The following MEI4 variants were observed in gnomAD, a reference collection of about 807,000 sequenced individuals.
MEI4 encodes meiotic double-stranded break formation protein 4.
In MEI4, 27 loss-of-function variants were observed where a neutral mutation model predicts 31.4. The ratio of observed to expected loss-of-function variants is 0.86; its 90% confidence interval spans 0.63 to 1.19. The LOEUF is 1.19. Ranked by LOEUF, MEI4 falls within the 50% of genes most tolerant of loss-of-function variation. The pLI, the probability that MEI4 is intolerant of heterozygous loss-of-function variation, is 0.00. For synonymous variants in MEI4, 122 were observed against 145.4 expected (o/e 0.84, Z 1.16); for missense variants, 329 against 398.9 (o/e 0.82, Z 1.49).
At chr6:77,765,189 T>C (rs1768139901) in intron 3 of MEI4, among the ~76,000 whole-genome samples, 1 of 152,170 alleles carries the variant, frequency 6.6e-6, no homozygotes, top group Non-Finnish European at 1.5e-5. Context: ...AAGCATAATT[T>C]CTGACATCAT....
At chr6:77,756,346 C>T (rs1767917068) in intron 2 of MEI4, among the ~76,000 whole-genome samples, 1 of 152,032 alleles carries the variant, frequency 6.6e-6, no homozygotes. Flanking sequence ...ATACTATAGT[C>T]ACAGCTGCCC....
intron 4 of MEI4, among the ~76,000 whole-genome samples, chr6:77,849,099 A>G (rs1171323715): frequency 6.6e-6 from 1 of 152,064 alleles, no homozygotes; most frequent in Non-Finnish European, 1.5e-5. Flanking sequence ...AATAAACAAA[A>G]ATAAAAATCA....
At position 77,860,339 on chromosome 6, in the gene MEI4, G is replaced by T. The variant is rs374635353; in HGVS notation, c.900+31277G>T. Among the ~76,000 whole-genome samples, 35 of 152,252 alleles carry T rather than the reference G, an allele frequency of 2.3e-4. 2 individuals carry two copies. The East Asian group carries it at 3.7e-3, about 16-fold the overall frequency. ...TGCACCTAAATCTGTTACTTAACTT[G>T]TTTATGATTCCAGTGGAAAGTGGAG... On this transcript the variant is annotated intron_variant, in intron 4 of 4. Transcript: ENST00000684080.
At chr6:77,809,780 T>C (rs1513014) in intron 3 of MEI4, among the ~76,000 whole-genome samples, 42,624 of 152,058 alleles carry the variant, frequency 0.28, 6,745 homozygotes, top group South Asian at 0.39. Flanking sequence ...ATCTAAATAA[T>C]CATAATATTG....
At chr6:77,850,453 A>G (rs1770589369) in intron 4 of MEI4, among the ~76,000 whole-genome samples, 1 of 152,308 alleles carries the variant, frequency 6.6e-6, no homozygotes. Flanking sequence ...GACCAATGGA[A>G]CAGAACAGAG....
chr6:77,742,971 T>G (rs994498684), intron 2 of MEI4, among the ~76,000 whole-genome samples: 2 of 151,586 alleles, frequency 1.3e-5, no homozygotes, highest in Admixed American at 1.3e-4. Context: ...TTCTGTTCCA[T>G]TGATCTATAT....
At chr6:77,677,455 A>G (rs1324885541) in intron 1 of MEI4, among the ~76,000 whole-genome samples, 1 of 152,164 alleles carries the variant, frequency 6.6e-6, no homozygotes, top group Non-Finnish European at 1.5e-5. Flanking sequence ...CTTGGGGGTC[A>G]TTCTTGATAT....
intron 3 of MEI4, among the ~76,000 whole-genome samples, chr6:77,766,504 C>T (rs1768178315): frequency 6.6e-6 from 1 of 152,196 alleles, no homozygotes. Flanking sequence ...AGCTCTGCCT[C>T]CTGGGTTCAC....
At chr6:77,772,410 A>G (rs1430424646) in intron 3 of MEI4, among the ~76,000 whole-genome samples, 4 of 152,078 alleles carry the variant, frequency 2.6e-5, no homozygotes, top group African/African-American at 9.7e-5. Context: ...AGGATGGTTC[A>G]GCATACACAA....
At chr6:77,755,840 G>GTGTGTGTGTT (rs1767903005) in intron 2 of MEI4, among the ~76,000 whole-genome samples, 1 of 148,882 alleles carries the variant, frequency 6.7e-6, no homozygotes, top group African/African-American at 2.4e-5. Flanking sequence ...GTGTGTGTGT[G>GTGTGTGTGTT]TGTGTGTGTG....
intron 2 of MEI4, among the ~76,000 whole-genome samples, chr6:77,742,576 A>C (rs537797718): frequency 6.6e-6 from 1 of 152,072 alleles, no homozygotes; most frequent in Non-Finnish European, 1.5e-5. Flanking sequence ...TAGGTTGCCT[A>C]TTCACTCTGA....
intron 4 of MEI4, among the ~76,000 whole-genome samples, chr6:77,884,292 A>G (rs563190175): frequency 6.6e-6 from 1 of 152,266 alleles, no homozygotes; most frequent in East Asian, 1.9e-4. Context: ...ATTTTCCCTC[A>G]TTTAACAAAT....
chr6:77,855,905 G>A (rs538935954), intron 4 of MEI4, among the ~76,000 whole-genome samples: 3 of 152,030 alleles, frequency 2.0e-5, no homozygotes. Context: ...GCCATGATAT[G>A]CGAGTTTAAT....
chr6:77,878,724 T>G (rs1219137031), intron 4 of MEI4, among the ~76,000 whole-genome samples: 1 of 152,152 alleles, frequency 6.6e-6, no homozygotes, highest in African/African-American at 2.4e-5. Context: ...TTTATTGCTA[T>G]GGAAATATAT....
chr6:77,697,896 A>T (rs1475534632), intron 2 of MEI4, among the ~76,000 whole-genome samples: 2 of 152,066 alleles, frequency 1.3e-5, no homozygotes, highest in Non-Finnish European at 2.9e-5. Flanking sequence ...ATTGTGTGGG[A>T]GACTAAGTCT....
chr6:77,880,636 G>A (rs991464928), intron 4 of MEI4, among the ~76,000 whole-genome samples: 5 of 152,044 alleles, frequency 3.3e-5, no homozygotes, highest in Non-Finnish European at 7.4e-5. Context: ...AAAGAATCTG[G>A]GAAGAACGTA....
chr6:77,710,938 T>C (rs1305590549), intron 2 of MEI4, among the ~76,000 whole-genome samples: 1 of 152,258 alleles, frequency 6.6e-6, no homozygotes, highest in Non-Finnish European at 1.5e-5. Flanking sequence ...TTAATTTTAA[T>C]CTTTTTATTT....
intron 4 of MEI4, among the ~76,000 whole-genome samples, chr6:77,893,659 A>C (rs905929620): frequency 2.0e-5 from 3 of 152,210 alleles, no homozygotes; most frequent in African/African-American, 7.2e-5. Context: ...AATTTATAAA[A>C]GCATCAATAA....
chr6:77,769,841 T>C (rs1308390853), intron 3 of MEI4, among the ~76,000 whole-genome samples: 1 of 151,916 alleles, frequency 6.6e-6, no homozygotes. Context: ...GAATAATTAG[T>C]ATTGGTAGCC....
Sources: allele counts gnomAD v4.1 joint callset (sites outside exome capture counted in the v4.1 genomes callset), GRCh38; gene constraint gnomAD v4.1.1; transcripts MANE v1.5; gene names NCBI Gene and HGNC (gene_info 2026-07-23, HGNC 2026-07-21).